The following ZAR1L variants were observed in gnomAD, a reference collection of about 807,000 sequenced individuals.
ZAR1L encodes the protein zygote arrest 1 like.
Under a neutral mutation model 30.0 loss-of-function variants are expected in ZAR1L, and 16 were observed. The ratio of observed to expected loss-of-function variants is 0.53; its 90% CI spans 0.36 to 0.81. ZAR1L has a LOEUF of 0.81. Among genes scored for constraint, ZAR1L ranks in the 30% least tolerant of loss-of-function variants. The pLI is 0.00. For missense variants in ZAR1L, 392 were observed against 417.2 expected (o/e 0.94, Z 0.53); for synonymous variants, 197 against 166.8 (o/e 1.18, Z -1.40).
chr13:32,304,349 C>A (rs2138683929), intron 5 of ZAR1L, among the ~76,000 whole-genome samples: 1 of 152,280 alleles, frequency 6.6e-6, no homozygotes, highest in East Asian at 1.9e-4. Flanking sequence ...GTCAAGGCAA[C>A]ATAATGTAAG....
chr13:32,312,178 T>C, intron 2 of ZAR1L, 85 bp from the exon 3 acceptor site: 1 of 458,410 alleles, frequency 2.2e-6, no homozygotes, highest in Non-Finnish European at 3.8e-6. Flanking sequence ...CTCTTCACTG[T>C]TCGGGAATCT....
intron 3 of ZAR1L, 70 bp downstream of exon 3, chr13:32,311,202 C>A: frequency 2.8e-6 from 4 of 1,447,000 alleles, no homozygotes; most frequent in East Asian, 2.5e-5. Flanking sequence ...CTCTTATTGC[C>A]CCCATAGATG....
Position 32,311,646 on chromosome 13 carries a change from G to A in ZAR1L, c.280C>T (p.Gln94Ter), listed in dbSNP as rs2072214570. 6.4e-7 allele frequency: 1 copy of A among 1,551,324 alleles called. No individual in the cohort carries two copies. The highest frequency in any genetic ancestry group is 8.7e-7 in the Non-Finnish European group (1 of 1,146,988). Residue 94 changes from glutamine (Q) to a stop codon, truncating the protein, a stop_gained, in exon 3 of 6, where the codon CAG becomes TAG. Coordinates refer to ENST00000533490, the MANE Select transcript of ZAR1L (RefSeq NM_001136571.2). LOFTEE classifies it high-confidence loss of function. ...CKPNTKEVGV[Q>*]VSPRVDKAVQ... Reference sequence around the variant, plus strand: ...GCCTTGTCCACCCGCGGGCTCACCTGCACGCCCACCTCCTTGGTGTTGGGC... The same window carrying A: ...GCCTTGTCCACCCGCGGGCTCACCTACACGCCCACCTCCTTGGTGTTGGGC...
intron 3 of ZAR1L, among the ~76,000 whole-genome samples, chr13:32,311,069 G>A (rs972884146): frequency 9.6e-6 from 1 of 103,990 alleles, no homozygotes; most frequent in Non-Finnish European, 2.2e-5. Context: ...GTTTTCACAG[G>A]CTTAGTTTGG....
rs1195979333 is a variant in ZAR1L, at chr13:32,312,101, AG to A, written c.-168-9del. ...GAGCTGCTGCTTATTACCCTGATTG[AG>A]GGAGAGAAGCTCTATCTACAGATGT... is the stretch of plus-strand genomic sequence containing the variant. On this transcript the variant is annotated splice_polypyrimidine_tract_variant and intron_variant, in intron 2 of 5. Transcript: ENST00000533490. 2 of 751,976 alleles carry A rather than the reference AG, an allele frequency of 2.7e-6. No homozygotes were observed. Among genetic ancestry groups the A allele is most frequent in the African/African-American group, 3.5e-5 (2 of 56,342 alleles). 46.6% of individuals were successfully genotyped at this position (751,976 alleles called of 1,614,324 possible).
At chr13:32,311,180 GAGA>G (rs2072209335) in intron 3 of ZAR1L, 89 bp downstream of exon 3, 1 of 1,338,286 alleles carries the variant, frequency 7.5e-7, no homozygotes, top group Non-Finnish European at 9.9e-7. Flanking sequence ...GAAGAAGAGA[GAGA>G]AGATTTTGCT....
chr13:32,312,199 G>T, intron 2 of ZAR1L, 106 bp from the exon 3 acceptor site: 3 of 407,632 alleles, frequency 7.4e-6, no homozygotes, highest in East Asian at 4.4e-5. Flanking sequence ...TTTTTTCAAA[G>T]CTGTTTTTCA....
intron 3 of ZAR1L, 128 bp from the exon 4 acceptor site, chr13:32,310,859 C>T: frequency 1.0e-5 from 7 of 681,480 alleles, no homozygotes; most frequent in South Asian, 5.0e-5. Context: ...CTCAAGACTA[C>T]GGCATTGATT....
chr13:32,312,992 A>C (rs1364247329), intron 2 of ZAR1L, among the ~76,000 whole-genome samples: 1 of 152,238 alleles, frequency 6.6e-6, no homozygotes, highest in Non-Finnish European at 1.5e-5. Context: ...TACTGCATAA[A>C]CTCACTGATA....
chr13:32,306,451 G>A (rs1161895170), intron 5 of ZAR1L, among the ~76,000 whole-genome samples: 1 of 152,168 alleles, frequency 6.6e-6, no homozygotes, highest in Non-Finnish European at 1.5e-5. Flanking sequence ...TTGTAAAACT[G>A]CTGAAAAACC....
Position 32,311,562 on chromosome 13 carries a change from C to G in ZAR1L, c.364G>C (p.Asp122His). The change falls in exon 3 of 6, where the codon GAC (aspartate) becomes CAC (histidine). Residue 122 changes from aspartate to histidine, a missense_variant. Physicochemically the swap from Asp to His is moderately conservative, Grantham distance 81. Transcript: ENST00000533490. Reference protein sequence around the residue: ...LSSCSPWDGRDPQEPLPACGV... With the variant: ...LSSCSPWDGRHPQEPLPACGV... ...CAGGCTGGCAGGGGCTCCTGGGGGTCTCTGCCGTCCCAGGGGGAGCAGCTG... is the reference window on the plus strand; with the variant it reads ...CAGGCTGGCAGGGGCTCCTGGGGGTGTCTGCCGTCCCAGGGGGAGCAGCTG... The G allele has an allele frequency of 6.5e-7, 1 of 1,534,424 alleles. No individual in the cohort carries two copies. Among genetic ancestry groups the G allele is most frequent in the Non-Finnish European group, 8.8e-7 (1 of 1,139,164 alleles).
rs1387023123 is a variant in ZAR1L at position 32,312,004 on chromosome 13, G to A, written c.-79C>T. On this transcript the variant is annotated 5_prime_UTR_variant, in exon 3 of 6. Transcript: ENST00000533490. The stretch of plus-strand genomic sequence containing the variant: ...CTTATTTTGCCTTCCTCCTTCATCC[G>A]CCCCTTCTTTCTCTTCATCAGGTTG... 24 of 1,411,496 alleles carry A rather than the reference G, an allele frequency of 1.7e-5. No individual in the cohort carries two copies. Among genetic ancestry groups the A allele is most frequent in the South Asian group, 3.0e-5 (2 of 67,648 alleles). The allele number at this position is 1,411,496 out of a possible 1,614,324, so 87.4% of individuals were successfully genotyped here.
At chr13:32,310,983 C>G (rs1446204512) in intron 3 of ZAR1L, among the ~76,000 whole-genome samples, 1 of 152,168 alleles carries the variant, frequency 6.6e-6, no homozygotes, top group East Asian at 1.9e-4. Context: ...AAACGAAAGT[C>G]TGATTTCATG....
chr13:32,306,189 A>C (rs2072173584), intron 5 of ZAR1L, among the ~76,000 whole-genome samples: 3 of 152,256 alleles, frequency 2.0e-5, no homozygotes, highest in African/African-American at 7.2e-5. Context: ...TTAGTAGATA[A>C]TATTCAGCCT....
rs1015830675 is a variant in ZAR1L at position 32,312,066 on chromosome 13, A to G, written c.-141T>C. The G allele has an allele frequency of 1.6e-5, 16 of 1,006,164 alleles. No homozygotes were observed. The highest frequency in any genetic ancestry group is 2.3e-5 in the Non-Finnish European group (16 of 710,260). The allele number at this position is 1,006,164 out of a possible 1,614,324, so 62.3% of individuals were successfully genotyped here. A position where few individuals can be genotyped will look rare whatever the true frequency, so the allele number is the denominator to read the frequency against. ...TTCCTGGCTTCTCCATTTATTTCAG[A>G]TTCTAATGGGAGCTGCTGCTTATTA... On this transcript the variant is annotated 5_prime_UTR_variant, in exon 3 of 6. Coordinates refer to ENST00000533490, the MANE Select transcript of ZAR1L (RefSeq NM_001136571.2).
rs2072234827 is a variant in ZAR1L, at chr13:32,314,405, ACT to A, written c.-246_-245del. On this transcript the variant is annotated 5_prime_UTR_variant, in exon 2 of 6. An upstream open reading frame in the 5' UTR loses its in-frame stop. Coordinates refer to ENST00000533490, the MANE Select transcript of ZAR1L (RefSeq NM_001136571.2). ...AAGCAGCAAGGCCCCCATGGGAGCA[ACT>A]CTCACTGAATCCATTTGAAGGTTTT... 6.6e-6 allele frequency: 1 copy of A among 152,190 alleles called. No individual in the cohort carries two copies. Among genetic ancestry groups the A allele is most frequent in the Non-Finnish European group, 1.5e-5 (1 of 68,030 alleles). 9.4% of individuals were successfully genotyped at this position (152,190 alleles called of 1,614,324 possible).
In ZAR1L at chr13:32,311,888, T is replaced by C; in HGVS notation, c.38A>G (p.Gln13Arg). ...RFVRVPYGLY[Q>R]GYGSTVPLGQ... is the part of the protein sequence containing the mutation. ...CAAAGGCACTGTGCTCCCATAACCC[T>C]GGTACAAGCCATAGGGAACACGGAC... The change falls in exon 3 of 6, where the codon CAG (glutamine) becomes CGG (arginine). Residue 13 changes from glutamine (Q) to arginine (R), a missense_variant. Gln to Arg is a conservative substitution (Grantham distance 43). Transcript: ENST00000533490. 6.4e-7 allele frequency: 1 copy of C among 1,551,402 alleles called. No homozygotes were observed. The highest frequency in any genetic ancestry group is 1.2e-5 in the South Asian group (1 of 84,032).
chr13:32,314,734 C>T (rs1213250889), intron 1 of ZAR1L, among the ~76,000 whole-genome samples, 184 bp from the exon 2 acceptor site: 1 of 152,200 alleles, frequency 6.6e-6, no homozygotes, highest in East Asian at 1.9e-4. Flanking sequence ...TGCCTGTATT[C>T]CCAGCTACTC....
At chr13:32,313,819 A>G (rs2072230495) in intron 2 of ZAR1L, among the ~76,000 whole-genome samples, 2 of 152,258 alleles carry the variant, frequency 1.3e-5, no homozygotes, top group Non-Finnish European at 2.9e-5. Context: ...CAAGAAACAT[A>G]AAGGTATGGG....
Sources: allele counts gnomAD v4.1 joint callset (sites outside exome capture counted in the v4.1 genomes callset), GRCh38; gene constraint gnomAD v4.1.1; transcripts MANE v1.5; gene names NCBI Gene and HGNC (gene_info 2026-07-23, HGNC 2026-07-21).